Variants in TBC1D19 observed in about 807,000 individuals in gnomAD.
TBC1D19 encodes TBC1 domain family, member 19.
In TBC1D19, 60 loss-of-function variants were observed where a neutral mutation model predicts 89.0. That is an observed-to-expected ratio of 0.67 (90% CI 0.55 to 0.84). TBC1D19 has a LOEUF of 0.84. Among genes scored for constraint, TBC1D19 ranks in the 40% least tolerant of loss-of-function variants. The probability of loss-of-function intolerance (pLI) is 0.00; values close to 1 mark genes in which losing one functional copy is unlikely to be tolerated. For missense variants in TBC1D19, 500 were observed against 610.8 expected (o/e 0.82, Z 1.91); for synonymous variants, 189 against 199.7 (o/e 0.95, Z 0.45).
At chr4:26,661,276 G>A (rs775719871) in intron 8 of TBC1D19, among the ~76,000 whole-genome samples, 9 of 152,104 alleles carry the variant, frequency 5.9e-5, no homozygotes, top group African/African-American at 9.7e-5. Flanking sequence ...CTGCTGAATG[G>A]TGAGATTAAT....
chr4:26,616,030 A>G (rs1276271572), intron 3 of TBC1D19, among the ~76,000 whole-genome samples: 5 of 152,062 alleles, frequency 3.3e-5, no homozygotes, highest in African/African-American at 4.8e-5. Context: ...AACTTTAAGT[A>G]TATATTTTCT....
rs1284509205 is a variant in TBC1D19 at position 26,672,144 on chromosome 4, T to G, written c.665-5T>G. On this transcript the variant is annotated splice_polypyrimidine_tract_variant and splice_region_variant and intron_variant, in intron 9 of 20. Coordinates refer to ENST00000264866, the MANE Select transcript of TBC1D19 (RefSeq NM_018317.4). ...TAATAATTTTAATTTTTTTTTAATT[T>G]TTAGAACTTTTTGAAAATGAACATG... The G allele has an allele frequency of 7.7e-6, 9 of 1,161,486 alleles. No individual in the cohort carries two copies. Among genetic ancestry groups the G allele is most frequent in the Non-Finnish European group, 8.1e-6 (7 of 865,636 alleles). 71.9% of individuals were successfully genotyped at this position (1,161,486 alleles called of 1,614,324 possible). A position where few individuals can be genotyped will look rare whatever the true frequency, so the allele number is the denominator to read the frequency against.
chr4:26,578,252 T>C lies in TBC1D19; in HGVS notation c.6+1455T>C, dbSNP rs574384263. Among the ~76,000 whole-genome samples the C allele has an allele frequency of 7.2e-5, 11 of 152,314 alleles. No individual in the cohort carries two copies. The South Asian group carries it at 1.0e-3, about 14-fold the overall frequency. ...TGCACATTTGGCTCTGCTCCCAAAT[T>C]ACTGGGCCTCTGACATTTCCAGGCC... On this transcript the variant is annotated intron_variant, in intron 1 of 12. Coordinates refer to the TBC1D19 transcript ENST00000512840.
chr4:26,762,283 C>G, the TBC1D19 span, among the ~76,000 whole-genome samples: 1 of 152,172 alleles, frequency 6.6e-6, no homozygotes, highest in Non-Finnish European at 1.5e-5. Context: ...TTAACTTAAA[C>G]AGCTGGCTTC....
Position 26,620,683 on chromosome 4 carries a change from G to A in TBC1D19, c.289G>A (p.Ala97Thr). 6.2e-7 allele frequency: 1 copy of A among 1,613,144 alleles called. No homozygotes were observed. The highest frequency in any genetic ancestry group is 8.5e-7 in the Non-Finnish European group (1 of 1,179,616). The change falls in exon 4 of 21, where the codon GCA becomes ACA. Residue 97 changes from alanine (A) to threonine (T), a missense_variant. Coordinates refer to ENST00000264866, the MANE Select transcript of TBC1D19 (RefSeq NM_018317.4). ...LKEPLVYMRK[A>T]QGSWEKRILK... ...AGAACCTTTGGTATACATGAGGAAA[G>A]CACAGGTTGGCTATTGTTCAATTTC...
the TBC1D19 span, among the ~76,000 whole-genome samples, chr4:26,771,604 G>C: frequency 1.3e-5 from 2 of 152,138 alleles, no homozygotes; most frequent in African/African-American, 4.8e-5. Context: ...CTTATATATG[G>C]TATCTAAATA....
the TBC1D19 span, among the ~76,000 whole-genome samples, chr4:26,847,613 G>T: frequency 1.3e-5 from 2 of 152,148 alleles, no homozygotes; most frequent in African/African-American, 4.8e-5. Context: ...ATCATGCAGG[G>T]GCCTGTTGAT....
At chr4:26,719,803 T>C (rs1001851888) in intron 14 of TBC1D19, among the ~76,000 whole-genome samples, 8 of 152,130 alleles carry the variant, frequency 5.3e-5, no homozygotes, top group Admixed American at 5.2e-4. Flanking sequence ...TAGATACTTC[T>C]CTTCTTAAGT....
At chr4:26,855,912 T>C in the TBC1D19 span, among the ~76,000 whole-genome samples, 14 of 152,264 alleles carry the variant, frequency 9.2e-5, no homozygotes, top group African/African-American at 3.4e-4. Context: ...TTGAGCTATA[T>C]GTACATTGTA....
At chr4:26,721,677 G>A (rs1461420446) in intron 15 of TBC1D19, among the ~76,000 whole-genome samples, 1 of 152,074 alleles carries the variant, frequency 6.6e-6, no homozygotes, top group Non-Finnish European at 1.5e-5. Flanking sequence ...TGATATTCAA[G>A]CTTCTCAGCA....
chr4:26,713,277 G>GTACA (rs1285618521), intron 13 of TBC1D19, among the ~76,000 whole-genome samples: 6 of 151,854 alleles, frequency 4.0e-5, no homozygotes, highest in Admixed American at 3.9e-4. Flanking sequence ...ATTTCTAAGG[G>GTACA]TACAGTTTAG....
intron 1 of TBC1D19, among the ~76,000 whole-genome samples, chr4:26,594,457 C>T (rs1560403383): frequency 6.6e-6 from 1 of 151,860 alleles, no homozygotes; most frequent in Non-Finnish European, 1.5e-5. Context: ...AAAAAATTAA[C>T]TGCCTGTTTT....
At chr4:26,749,548 G>A in intron 19 of TBC1D19, among the ~76,000 whole-genome samples, 1 of 149,612 alleles carries the variant, frequency 6.7e-6, no homozygotes, top group Non-Finnish European at 1.5e-5. Flanking sequence ...CTGGGTTAAA[G>A]AGAGTCTCCT....
At chr4:26,581,201 CT>C (rs1560391618), upstream of TBC1D19, among the ~76,000 whole-genome samples, 1 of 152,046 alleles carries the variant, frequency 6.6e-6, no homozygotes, top group East Asian at 1.9e-4. Flanking sequence ...TAAGGATTTT[CT>C]TTTTTAAAAA....
rs192808394 is a variant in TBC1D19, at chr4:26,678,161, G to A, written c.816+4273G>A. 2.8e-3 allele frequency among the ~76,000 whole-genome samples: 425 copies of A among 152,312 alleles called. 1 individual carries two copies. The highest frequency in any genetic ancestry group is 4.5e-3 in the Non-Finnish European group (306 of 68,018). ...TTGACCAAAATGTTGATAGTGATAT[G>A]GACAATGAAGTCCAGGCTGAGATGG... is the stretch of plus-strand genomic sequence containing the variant. On this transcript the variant is annotated intron_variant, in intron 11 of 20. Coordinates refer to ENST00000264866, the MANE Select transcript of TBC1D19 (RefSeq NM_018317.4).
chr4:26,601,874 G>A (rs546835548), intron 1 of TBC1D19, among the ~76,000 whole-genome samples: 1 of 152,266 alleles, frequency 6.6e-6, no homozygotes, highest in East Asian at 1.9e-4. Context: ...TGTTCACTCA[G>A]CCTCTATTGC....
At chr4:26,853,618 A>G in the TBC1D19 span, among the ~76,000 whole-genome samples, 1 of 152,006 alleles carries the variant, frequency 6.6e-6, no homozygotes, top group Non-Finnish European at 1.5e-5. Context: ...GCTCACTGCA[A>G]TCTCTGCCTC....
intron 1 of TBC1D19, 52 bp from the exon 2 acceptor site, chr4:26,613,117 G>T: frequency 8.1e-7 from 1 of 1,237,544 alleles, no homozygotes; most frequent in Non-Finnish European, 1.1e-6. Context: ...GATTTACTTT[G>T]GATATCTTTT....
At chr4:26,830,505 G>A in the TBC1D19 span, among the ~76,000 whole-genome samples, 1 of 152,148 alleles carries the variant, frequency 6.6e-6, no homozygotes, top group Non-Finnish European at 1.5e-5. Context: ...AGAACTCTCA[G>A]AGTTACACAG....
Sources: gnomAD v4.1 joint callset for allele counts (sites outside exome capture counted in the v4.1 genomes callset) on GRCh38, gnomAD v4.1.1 for gene constraint, MANE v1.5 for transcripts, NCBI Gene and HGNC (gene_info 2026-07-23, HGNC 2026-07-21) for gene names.